Variants in THRA observed in about 807,000 individuals in gnomAD.
THRA encodes EAR-7.
THRA carries 13 observed loss-of-function variants against 45.0 expected under a neutral mutation model. The observed-to-expected ratio is 0.29, with a 90% CI of 0.19 to 0.46. The LOEUF (loss-of-function observed/expected upper bound fraction) is 0.46, where lower values mean the gene tolerates loss of function less well. THRA is among the 20% of genes least tolerant of loss of function. THRA has a pLI of 1.00. For synonymous variants in THRA, 195 were observed against 214.0 expected, an observed-to-expected ratio of 0.91 and a Z score of 0.78; for missense variants, 278 against 556.1, an observed-to-expected ratio of 0.50 and a Z score of 5.03.
intron 4 of THRA, 122 bp from the exon 5 acceptor site, chr17:40,083,713 A>G: frequency 7.7e-7 from 1 of 1,298,404 alleles, no homozygotes; most frequent in East Asian, 2.6e-5. Flanking sequence ...GGAGGATGCC[A>G]GGTCCCCTCA....
intron 2 of THRA, 106 bp downstream of exon 2, chr17:40,074,647 C>A: frequency 8.1e-7 from 1 of 1,237,044 alleles, no homozygotes; most frequent in Non-Finnish European, 1.2e-6. Flanking sequence ...GTGGGATGGA[C>A]GTGAGGCCAG....
At chr17:40,088,602 G>A in intron 8 of THRA, 102 bp downstream of exon 8, 1 of 1,445,074 alleles carries the variant, frequency 6.9e-7, no homozygotes, top group Non-Finnish European at 9.3e-7. Flanking sequence ...TCTTCTTCTG[G>A]GCTACCTCTC....
chr17:40,077,280 T>C (rs1412127297), intron 3 of THRA, among the ~76,000 whole-genome samples: 2 of 152,182 alleles, frequency 1.3e-5, no homozygotes, highest in Non-Finnish European at 2.9e-5. Flanking sequence ...GCCTTGTAGA[T>C]AGATCAAGAA....
At chr17:40,083,430 C>T (rs1567653511) in intron 4 of THRA, among the ~76,000 whole-genome samples, 1 of 151,862 alleles carries the variant, frequency 6.6e-6, no homozygotes, top group Non-Finnish European at 1.5e-5. Flanking sequence ...TCAGGCTGGT[C>T]TCGAACTCCC....
chr17:40,074,309 GC>G lies in THRA; in HGVS notation c.-174del. 2 of 659,510 alleles carry G rather than the reference GC, an allele frequency of 3.0e-6. No homozygotes were observed. The highest frequency in any genetic ancestry group is 2.6e-5 in the Admixed American group (1 of 38,110). The allele number at this position is 659,510 out of a possible 1,614,324, so 40.9% of individuals were successfully genotyped here. ...CACTCCCTGGCCCCTCCCACCGCCC[GC>G]CCCCCTTGGGGCGCAGGGCATGGTG... On this transcript the variant is annotated 5_prime_UTR_variant, in exon 2 of 9. Coordinates refer to ENST00000450525, the MANE Select transcript of THRA (RefSeq NM_199334.5).
Position 40,089,783 on chromosome 17 carries a change from G to A in THRA, c.*327G>A, listed in dbSNP as rs1987466819. On this transcript the variant is annotated 3_prime_UTR_variant, in exon 9 of 9. Coordinates refer to ENST00000450525, the MANE Select transcript of THRA (RefSeq NM_199334.5). This position sits in a 1 kb window ranked among gnomAD's most constrained non-coding sequence, Gnocchi z 6.1. ...GAAGGGACAAGCCACCTTGACCGTA[G>A]GGGAAGGAGGAATGTGGGCTGGGGG... 1.7e-6 allele frequency: 2 copies of A among 1,170,788 alleles called. No individual in the cohort carries two copies. Among genetic ancestry groups the A allele is most frequent in the Admixed American group, 8.6e-5 (2 of 23,318 alleles). 72.5% of individuals were successfully genotyped at this position (1,170,788 alleles called of 1,614,324 possible).
At chr17:40,063,406 C>T (rs1257786333) in intron 1 of THRA, among the ~76,000 whole-genome samples, 4 of 152,136 alleles carry the variant, frequency 2.6e-5, no homozygotes, top group Non-Finnish European at 4.4e-5. Flanking sequence ...ATTCCCGGGC[C>T]GGGCCCCGTT....
chr17:40,092,972 A>G lies in THRA; in HGVS notation c.*3516A>G. The G allele has an allele frequency of 1.3e-6, 2 of 1,585,510 alleles. No individual in the cohort carries two copies. The highest frequency in any genetic ancestry group is 1.7e-6 in the Non-Finnish European group (2 of 1,163,148). On this transcript the variant is annotated 3_prime_UTR_variant, in exon 9 of 9. Coordinates refer to ENST00000450525, the MANE Select transcript of THRA (RefSeq NM_199334.5). Reference sequence around the variant, plus strand: ...GAGGCTCATCTTGGAATATTTTATAACAATATAAATAAGATTCTGGTTTGC... The same window carrying G: ...GAGGCTCATCTTGGAATATTTTATAGCAATATAAATAAGATTCTGGTTTGC...
intron 1 of THRA, among the ~76,000 whole-genome samples, chr17:40,065,927 A>G (rs551680282): frequency 6.6e-6 from 1 of 152,338 alleles, no homozygotes; most frequent in Admixed American, 6.5e-5. Flanking sequence ...CCAAGCTGGA[A>G]AAGAACCGCC....
chr17:40,063,208 T>G (rs1312440487), intron 1 of THRA, 116 bp downstream of exon 1: 2 of 152,288 alleles, frequency 1.3e-5, no homozygotes, highest in Non-Finnish European at 2.9e-5. Context: ...AGGGGGTGCC[T>G]GCTGCCAGCC....
At chr17:40,084,112 G>C (rs1483769956) in intron 5 of THRA, 130 bp downstream of exon 5, 1 of 1,135,562 alleles carries the variant, frequency 8.8e-7, no homozygotes, top group East Asian at 2.7e-5. Context: ...AGGTCAGAAT[G>C]TTCAGTGTCT....
downstream of THRA, chr17:40,093,568 C>A: frequency 1.1e-6 from 1 of 946,178 alleles, no homozygotes; most frequent in Non-Finnish European, 1.5e-6. The surrounding 1 kb of genome is among the most constrained non-coding windows in gnomAD (Gnocchi z 5.9). Context: ...TTGCTTTTTG[C>A]TGTGTAGTTC....
At chr17:40,066,681 AAAAGAAAAACAAAAAAG>A (rs1377026301) in intron 1 of THRA, among the ~76,000 whole-genome samples, 1 of 74,808 alleles carries the variant, frequency 1.3e-5, no homozygotes, top group Admixed American at 1.8e-4. Context: ...AAAAAAAAAA[AAAAGAAAAACAAAAAAG>A]AACAAGGCAT....
chr17:40,065,883 A>G (rs966602728), intron 1 of THRA, among the ~76,000 whole-genome samples: 1 of 152,142 alleles, frequency 6.6e-6, no homozygotes, highest in African/African-American at 2.4e-5. Flanking sequence ...AGCAGCTCTT[A>G]AACAAGCCAT....
At chr17:40,088,593 C>A (rs1567655859) in intron 8 of THRA, 93 bp downstream of exon 8, 2 of 1,473,040 alleles carry the variant, frequency 1.4e-6, no homozygotes, top group Non-Finnish European at 1.8e-6. Context: ...CCTCCTGAAT[C>A]TTCTTCTGGG....
At chr17:40,083,492 C>T (rs535422707) in intron 4 of THRA, among the ~76,000 whole-genome samples, 10 of 152,352 alleles carry the variant, frequency 6.6e-5, no homozygotes, top group African/African-American at 1.9e-4. Flanking sequence ...GGATTACATG[C>T]GTGCGCCACC....
chr17:40,093,411 G>GA, downstream of THRA: 1 of 1,597,568 alleles, frequency 6.3e-7, no homozygotes, highest in Non-Finnish European at 8.5e-7. The surrounding 1 kb of genome is among the most constrained non-coding windows in gnomAD (Gnocchi z 5.9). Context: ...TGGGGAAGGA[G>GA]AAGGAGTGCC....
In THRA at chr17:40,086,764, C is replaced by T. The variant is rs1202197482; in HGVS notation, c.634C>T (p.Leu212=). Residue 212 remains leucine (L), a synonymous_variant, in exon 7 of 9, where the codon CTG becomes TTG. Transcript: ENST00000450525. ...VSMPDGDKVD[L]EAFSEFTKII... ...CATGCCGGACGGAGACAAGGTGGAC[C>T]TGGAAGCCTTCAGCGAGTTTACCAA... The T allele has an allele frequency of 3.7e-6, 6 of 1,614,004 alleles. No individual in the cohort carries two copies. Among genetic ancestry groups the T allele is most frequent in the Admixed American group, 1.7e-5 (1 of 59,990 alleles).
intron 5 of THRA, among the ~76,000 whole-genome samples, 199 bp downstream of exon 5, chr17:40,084,181 A>G (rs575275523): frequency 2.0e-5 from 3 of 152,242 alleles, no homozygotes; most frequent in African/African-American, 7.2e-5. Context: ...GTGGGCCCCA[A>G]TGCCTACCTG....
Sources: allele counts gnomAD v4.1 joint callset (sites outside exome capture counted in the v4.1 genomes callset), GRCh38; gene constraint gnomAD v4.1.1; non-coding constraint Gnocchi (gnomAD v3.1); transcripts MANE v1.5; gene names NCBI Gene and HGNC (gene_info 2026-07-23, HGNC 2026-07-21).